The following SLC12A4 variants were observed in gnomAD, a reference collection of about 807,000 sequenced individuals.
The protein encoded by SLC12A4 is solute carrier family 12 member 4.
Under a neutral mutation model 119.2 loss-of-function variants are expected in SLC12A4, and 84 were observed. The observed-to-expected ratio is 0.70, with a 90% confidence interval of 0.59 to 0.85. The LOEUF is 0.85. Ranked by LOEUF, SLC12A4 falls within the 40% of genes least tolerant of loss-of-function variation. The probability of loss-of-function intolerance (pLI) is 0.00; values close to 1 mark genes in which losing one functional copy is unlikely to be tolerated. For missense variants in SLC12A4, 1,298 were observed against 1,476.3 expected (o/e 0.88, Z 1.98); for synonymous variants, 599 against 604.6 (o/e 0.99, Z 0.14).
chr16:67,948,178 T>C lies in SLC12A4; in HGVS notation c.1749-19A>G, dbSNP rs372329957. The C allele has an allele frequency of 5.0e-6, 8 of 1,612,038 alleles. No individual in the cohort carries two copies. Among genetic ancestry groups the C allele is most frequent in the African/African-American group, 1.3e-5 (1 of 74,920 alleles). ...AAAGAACCTGCGGCACAGAGGGCGG[T>C]TGGCGAAGAGCAGCCTCCTCGGCAG... is the stretch of plus-strand genomic sequence containing the variant. On this transcript the variant is annotated intron_variant, in intron 13 of 23. Transcript: ENST00000316341.
Position 67,944,057 on chromosome 16 carries a change from C to T in SLC12A4, c.*783G>A, listed in dbSNP as rs2058313838. 1.3e-6 allele frequency: 2 copies of T among 1,548,030 alleles called. No individual in the cohort carries two copies. Among genetic ancestry groups the T allele is most frequent in the African/African-American group, 2.7e-5 (2 of 72,970 alleles). ...GGGCGGCAGGAGGGAGCAGCAGCCC[C>T]AGCAGCAGCGTCACCCACTGCCATG... On this transcript the variant is annotated 3_prime_UTR_variant, in exon 24 of 24. Coordinates refer to ENST00000316341, the MANE Select transcript of SLC12A4 (RefSeq NM_005072.5). This position sits in a 1 kb window ranked among gnomAD's most constrained non-coding sequence, Gnocchi z 6.6.
Position 67,944,589 on chromosome 16 carries a change from G to T in SLC12A4, c.*251C>A. ...CACTCGGCCCCTACCAGTCTTCTCT[G>T]GCCAGGACAGGCCTACTGGGGTGCT... On this transcript the variant is annotated 3_prime_UTR_variant, in exon 24 of 24. Transcript: ENST00000316341. The surrounding 1 kb of genome is among the most constrained non-coding windows in gnomAD (Gnocchi z 6.6). The T allele has an allele frequency of 7.4e-7, 1 of 1,353,078 alleles. No individual in the cohort carries two copies. Among genetic ancestry groups the T allele is most frequent in the Non-Finnish European group, 9.5e-7 (1 of 1,054,402 alleles). 83.8% of individuals were successfully genotyped at this position (1,353,078 alleles called of 1,614,324 possible). A position where few individuals can be genotyped will look rare whatever the true frequency, so the allele number is the denominator to read the frequency against.
At chr16:67,958,427 C>T (rs547286956) in intron 3 of SLC12A4, among the ~76,000 whole-genome samples, 17 of 152,226 alleles carry the variant, frequency 1.1e-4, no homozygotes, top group African/African-American at 4.1e-4. Flanking sequence ...CCCTCTCAAC[C>T]CCCAACTCTA....
chr16:67,944,247 CAGGG>C lies in SLC12A4; in HGVS notation c.*589_*592del. On this transcript the variant is annotated 3_prime_UTR_variant, in exon 24 of 24. Transcript: ENST00000316341. This position sits in a 1 kb window ranked among gnomAD's most constrained non-coding sequence, Gnocchi z 6.6. ...AGATTGCCGGAAAGGGGCACAGCCT[CAGGG>C]AGCCGGCTCTGGGCCTGGGTTCAGT... 7.0e-7 allele frequency: 1 copy of C among 1,431,614 alleles called. No individual in the cohort carries two copies. The highest frequency in any genetic ancestry group is 1.5e-5 in the South Asian group (1 of 67,728). The allele number at this position is 1,431,614 out of a possible 1,614,324, so 88.7% of individuals were successfully genotyped here.
At chr16:67,963,394 G>A (rs994652585) in intron 2 of SLC12A4, 71 bp downstream of exon 2, 6 of 968,576 alleles carry the variant, frequency 6.2e-6, no homozygotes, top group African/African-American at 1.7e-5. Flanking sequence ...GGAGGCCCAC[G>A]TGTCCAGCCT....
chr16:67,956,291 C>T (rs1255773558), intron 5 of SLC12A4, among the ~76,000 whole-genome samples: 1 of 152,178 alleles, frequency 6.6e-6, no homozygotes, highest in African/African-American at 2.4e-5. Context: ...CAAGGATGTT[C>T]ATGACAACAA....
rs533156980 is a variant in SLC12A4, at chr16:67,967,011, C to A, written c.115+1428G>T. On this transcript the variant is annotated intron_variant, in intron 1 of 23. Transcript: ENST00000316341. ...TCCTGGGGATGCAGCCCAGTCTACC[C>A]TCTGGGGAGAGAGGTCCTCCCAGGG... 4 of 861,262 alleles carry A rather than the reference C, an allele frequency of 4.6e-6. No homozygotes were observed. In the Admixed American group the frequency reaches 1.1e-4, roughly 23 times the overall value. The allele number at this position is 861,262 out of a possible 1,614,324, so 53.4% of individuals were successfully genotyped here. A position where few individuals can be genotyped will look rare whatever the true frequency, so the allele number is the denominator to read the frequency against.
intron 6 of SLC12A4, among the ~76,000 whole-genome samples, chr16:67,953,134 T>C (rs112686366): frequency 0.055 from 8,357 of 151,404 alleles, 668 homozygotes; most frequent in African/African-American, 0.18. Flanking sequence ...CAATGGCTCA[T>C]GCCTATAATC....
intron 6 of SLC12A4, among the ~76,000 whole-genome samples, 173 bp downstream of exon 6, chr16:67,954,470 G>A (rs2030129777): frequency 1.3e-5 from 2 of 152,238 alleles, no homozygotes; most frequent in South Asian, 4.1e-4. Flanking sequence ...TGGCATGGAG[G>A]TGAAAGGAAG....
At chr16:67,963,816 G>GCACAAGC in intron 1 of SLC12A4, 1 of 1,397,458 alleles carries the variant, frequency 7.2e-7, no homozygotes. Flanking sequence ...AGGCGCCCTA[G>GCACAAGC]CACAAGCACG....
At position 67,945,527 on chromosome 16, in the gene SLC12A4, C is replaced by G; in HGVS notation, c.2874G>C (p.Ser958=). ...AGTACAGGCTCTCCAGCCGCAGGGC[C>G]GAGTGCCGATCCTTGACCAGCTGGG... ...REAQLVKDRH[S]ALRLESLYSD... The change falls in exon 22 of 24, where the codon TCG becomes TCC. Residue 958 remains serine (S), a synonymous_variant. Coordinates refer to ENST00000316341, the MANE Select transcript of SLC12A4 (RefSeq NM_005072.5). The G allele has an allele frequency of 1.2e-6, 2 of 1,613,864 alleles. No individual in the cohort carries two copies. The highest frequency in any genetic ancestry group is 8.5e-7 in the Non-Finnish European group (1 of 1,179,940).
At chr16:67,956,989 C>T (rs963073933) in intron 5 of SLC12A4, among the ~76,000 whole-genome samples, 1 of 151,750 alleles carries the variant, frequency 6.6e-6, no homozygotes, top group Non-Finnish European at 1.5e-5. Flanking sequence ...TACCTTTCTG[C>T]ACTTTTTTAT....
rs1226562217 is a variant in SLC12A4 at position 67,951,917 on chromosome 16, G to A, written c.1038C>T (p.Pro346=). Residue 346 remains proline, a synonymous_variant, in exon 8 of 24, where the codon CCC becomes CCT. Transcript: ENST00000316341. This position sits in a 1 kb window ranked among gnomAD's most constrained non-coding sequence, Gnocchi z 5.2. ...TQLWSFFCHS[P]NLTTDSCDPY... ...GGTCACAGGAGTCGGTCGTAAGGTT[G>A]GGGCTGTGGCAGAAGAAACTCCATA... 1.2e-6 allele frequency: 2 copies of A among 1,613,912 alleles called. No individual in the cohort carries two copies. The highest frequency in any genetic ancestry group is 1.7e-6 in the Non-Finnish European group (2 of 1,180,044).
chr16:67,948,253 C>T (rs754781143), intron 13 of SLC12A4, 94 bp from the exon 14 acceptor site: 66 of 1,171,568 alleles, frequency 5.6e-5, no homozygotes, highest in Admixed American at 7.4e-5. Flanking sequence ...GGGCGTGGCC[C>T]GGCCCTGCCC....
intron 1 of SLC12A4, among the ~76,000 whole-genome samples, chr16:67,966,365 C>G (rs1342874974): frequency 1.3e-5 from 2 of 152,260 alleles, no homozygotes; most frequent in African/African-American, 4.8e-5. Flanking sequence ...AATTCCAGGG[C>G]AGGTCTGGAC....
chr16:67,946,767 G>C, intron 17 of SLC12A4, 134 bp from the exon 18 acceptor site: 2 of 1,266,818 alleles, frequency 1.6e-6, no homozygotes, highest in Non-Finnish European at 2.2e-6. Context: ...CTACCCAGAG[G>C]CCAAGTTTTC....
In SLC12A4 at chr16:67,944,200, G is replaced by A; in HGVS notation, c.*640C>T. The A allele has an allele frequency of 6.8e-7, 1 of 1,478,572 alleles. No individual in the cohort carries two copies. The highest frequency in any genetic ancestry group is 9.0e-7 in the Non-Finnish European group (1 of 1,108,082). The allele number at this position is 1,478,572 out of a possible 1,614,324, so 91.6% of individuals were successfully genotyped here. On this transcript the variant is annotated 3_prime_UTR_variant, in exon 24 of 24. Transcript: ENST00000316341. The surrounding 1 kb of genome is among the most constrained non-coding windows in gnomAD (Gnocchi z 6.6). ...CTAGGGCCAGTGGGAGGGACGGCCTGGCCAGTGGGGGTTGTGGCCAGAGAT... is the reference window on the plus strand; with the variant it reads ...CTAGGGCCAGTGGGAGGGACGGCCTAGCCAGTGGGGGTTGTGGCCAGAGAT...
rs1401586145 is a variant in SLC12A4 at position 67,947,613 on chromosome 16, G to T, written c.1967+56C>A. 3.0e-5 allele frequency: 47 copies of T among 1,560,434 alleles called. 1 individual carries two copies. The highest frequency in any genetic ancestry group is 4.1e-5 in the Non-Finnish European group (47 of 1,151,344). On this transcript the variant is annotated intron_variant, in intron 15 of 23. Transcript: ENST00000316341. ...GCCCACCCCAATGCCAGACCACCCT[G>T]CCTGCTCGGCCGGGCCCCCTCAGCT...
At chr16:67,952,133 A>G (rs1325378622) in intron 7 of SLC12A4, 51 bp downstream of exon 7, 1 of 1,611,594 alleles carries the variant, frequency 6.2e-7, no homozygotes, top group African/African-American at 1.3e-5. Flanking sequence ...AAGGCTGGCT[A>G]CATGGGAGGG....
Sources: allele counts gnomAD v4.1 joint callset (sites outside exome capture counted in the v4.1 genomes callset), GRCh38; gene constraint gnomAD v4.1.1; non-coding constraint Gnocchi (gnomAD v3.1); transcripts MANE v1.5; gene names NCBI Gene and HGNC (gene_info 2026-07-23, HGNC 2026-07-21).